TRAPPC12: variants seen among roughly 807,000 people sequenced by gnomAD.
TRAPPC12 encodes TPR repeat protein 15.
Under a neutral mutation model 69.2 loss-of-function variants are expected in TRAPPC12, and 61 were observed. That is an observed-to-expected ratio of 0.88 (90% CI 0.72 to 1.09). The LOEUF is 1.09. Ranked by LOEUF, TRAPPC12 falls within the 50% of genes least tolerant of loss-of-function variation. The probability of loss-of-function intolerance (pLI) is 0.00; values close to 1 mark genes in which losing one functional copy is unlikely to be tolerated. For synonymous variants in TRAPPC12, 469 were observed against 438.9 expected (o/e 1.07, Z -0.86); for missense variants, 1,101 against 1,016.4 (o/e 1.08, Z -1.13).
At chr2:3,473,453 G>C (rs1292945854) in intron 9 of TRAPPC12, among the ~76,000 whole-genome samples, 1 of 152,204 alleles carries the variant, frequency 6.6e-6, no homozygotes, top group African/African-American at 2.4e-5. Context: ...TTTCCGTGTT[G>C]GTTTTTGGGT....
At chr2:3,436,667 C>G (rs866779568) in intron 5 of TRAPPC12, among the ~76,000 whole-genome samples, 1 of 151,810 alleles carries the variant, frequency 6.6e-6, no homozygotes, top group African/African-American at 2.4e-5. Flanking sequence ...AATGGCGTTG[C>G]GTGTTCATTG....
intron 3 of TRAPPC12, among the ~76,000 whole-genome samples, chr2:3,402,540 A>G (rs1661504130): frequency 6.6e-6 from 1 of 151,994 alleles, no homozygotes. Flanking sequence ...GGTTGCAGTG[A>G]GCCGAGATCA....
At chr2:3,423,322 T>TGTG (rs1662919179) in intron 4 of TRAPPC12, among the ~76,000 whole-genome samples, 1 of 149,082 alleles carries the variant, frequency 6.7e-6, no homozygotes, top group Admixed American at 6.7e-5. Flanking sequence ...TCGCATGCCT[T>TGTG]TGTGTGTGTG....
intron 9 of TRAPPC12, among the ~76,000 whole-genome samples, chr2:3,476,435 C>A (rs13399524): frequency 6.6e-6 from 1 of 152,068 alleles, no homozygotes; most frequent in Non-Finnish European, 1.5e-5. Context: ...ATGAGGCCTG[C>A]AGTGGGCTGT....
intron 8 of TRAPPC12, among the ~76,000 whole-genome samples, chr2:3,463,643 G>A (rs185373950): frequency 2.7e-3 from 405 of 151,278 alleles, no homozygotes; most frequent in Admixed American, 4.6e-3. Context: ...GGCTGGCCAC[G>A]GCATCGCCCA....
chr2:3,450,598 G>A (rs570002597), intron 6 of TRAPPC12, among the ~76,000 whole-genome samples: 2 of 152,312 alleles, frequency 1.3e-5, no homozygotes, highest in East Asian at 1.9e-4. Context: ...TGCCAGGCAC[G>A]TGGTCCGTGT....
At chr2:3,401,932 A>G (rs913045737) in intron 3 of TRAPPC12, 39 bp downstream of exon 3, 2 of 1,354,222 alleles carry the variant, frequency 1.5e-6, no homozygotes, top group African/African-American at 1.5e-5. Flanking sequence ...TTGTTTTGTG[A>G]TAAGTCCTGC....
At chr2:3,407,774 C>T (rs1004567189) in intron 3 of TRAPPC12, among the ~76,000 whole-genome samples, 6 of 149,448 alleles carry the variant, frequency 4.0e-5, no homozygotes, top group South Asian at 2.1e-4. Context: ...CCAGCCTGGG[C>T]GACAGAGCAA....
chr2:3,408,222 A>G (rs931662089), intron 3 of TRAPPC12, among the ~76,000 whole-genome samples: 7 of 152,252 alleles, frequency 4.6e-5, no homozygotes, highest in African/African-American at 1.7e-4. Context: ...CAGGAGAAAC[A>G]CTAAAGAGGA....
chr2:3,449,424 A>G (rs1664729035), intron 6 of TRAPPC12: 1 of 152,360 alleles, frequency 6.6e-6, no homozygotes, highest in African/African-American at 2.4e-5. Context: ...TGAGAGTTTC[A>G]CGTTCATCCA....
At chr2:3,478,990 CAT>C in intron 11 of TRAPPC12, 57 bp downstream of exon 11, 3 of 1,557,318 alleles carry the variant, frequency 1.9e-6, no homozygotes, top group East Asian at 4.5e-5. Flanking sequence ...ACGCTAGAAA[CAT>C]ACACCCACAC....
At chr2:3,476,165 T>A (rs1666284353) in intron 9 of TRAPPC12, among the ~76,000 whole-genome samples, 1 of 152,184 alleles carries the variant, frequency 6.6e-6, no homozygotes, top group Admixed American at 6.5e-5. Context: ...TGTTTTCTCT[T>A]GTTTCATTCT....
intron 2 of TRAPPC12, among the ~76,000 whole-genome samples, chr2:3,396,960 C>G (rs1052938681): frequency 2.6e-5 from 4 of 151,594 alleles, no homozygotes; most frequent in Non-Finnish European, 2.9e-5. Flanking sequence ...TGAGGCCAGT[C>G]TGGGCAACAT....
intron 3 of TRAPPC12, among the ~76,000 whole-genome samples, chr2:3,410,962 G>A (rs753096239): frequency 2.0e-5 from 3 of 152,152 alleles, no homozygotes; most frequent in Non-Finnish European, 2.9e-5. Context: ...CCCAGGAGGC[G>A]GAGGTTGCAG....
chr2:3,390,745 C>T (rs1275224238), intron 2 of TRAPPC12, among the ~76,000 whole-genome samples: 1 of 152,100 alleles, frequency 6.6e-6, no homozygotes, highest in African/African-American at 2.4e-5. Flanking sequence ...CTTTGGGTGA[C>T]AATGATGTGT....
chr2:3,459,979 G>A (rs577180950), intron 7 of TRAPPC12: 206 of 507,776 alleles, frequency 4.1e-4, no homozygotes, highest in Middle Eastern at 2.2e-3. Context: ...CGGGGCCCCC[G>A]GTCGGACCAT....
At chr2:3,385,883 G>A (rs1425884748) in intron 1 of TRAPPC12, among the ~76,000 whole-genome samples, 2 of 152,262 alleles carry the variant, frequency 1.3e-5, no homozygotes, top group Non-Finnish European at 2.9e-5. Flanking sequence ...GGAAGGACCC[G>A]AAGGAGCAGC....
intron 2 of TRAPPC12, among the ~76,000 whole-genome samples, chr2:3,395,460 C>T (rs1661075543): frequency 6.6e-6 from 1 of 150,438 alleles, no homozygotes; most frequent in South Asian, 2.1e-4. Context: ...CTTGTTTTTG[C>T]AATTTCTTAG....
At chr2:3,392,939 C>T (rs1660905568) in intron 2 of TRAPPC12, among the ~76,000 whole-genome samples, 3 of 152,304 alleles carry the variant, frequency 2.0e-5, no homozygotes, top group South Asian at 4.1e-4. Context: ...AAGTGCCTAT[C>T]GACAGGTGAG....
Sources: allele counts gnomAD v4.1 joint callset (sites outside exome capture counted in the v4.1 genomes callset), GRCh38; gene constraint gnomAD v4.1.1; transcripts MANE v1.5; gene names NCBI Gene and HGNC (gene_info 2026-07-23, HGNC 2026-07-21).